Variants in UBXN2A observed in about 807,000 individuals in gnomAD.
UBXN2A encodes the protein UBX domain-containing protein 2A.
UBXN2A carries 28 observed loss-of-function variants against 28.4 expected under a neutral mutation model. The ratio of observed to expected loss-of-function variants is 0.99; its 90% confidence interval spans 0.73 to 1.35. The LOEUF is 1.35. Among genes scored for constraint, UBXN2A ranks in the 40% most tolerant of loss-of-function variants. The probability of loss-of-function intolerance (pLI) is 0.00; values close to 1 mark genes in which losing one functional copy is unlikely to be tolerated. For synonymous variants in UBXN2A, 97 were observed against 103.6 expected (o/e 0.94, Z 0.39); for missense variants, 253 against 297.9 (o/e 0.85, Z 1.11).
At chr2:23,983,071 G>A (rs1707980302) in intron 5 of UBXN2A, 38 bp downstream of exon 5, 1 of 1,517,924 alleles carries the variant, frequency 6.6e-7, no homozygotes, top group African/African-American at 1.4e-5. Flanking sequence ...ATAGATCAAG[G>A]CTTAACTAAT....
chr2:23,978,910 C>T (rs1707785459), intron 4 of UBXN2A, among the ~76,000 whole-genome samples: 1 of 151,628 alleles, frequency 6.6e-6, no homozygotes, highest in Non-Finnish European at 1.5e-5. Flanking sequence ...CTGTGGTGAG[C>T]CAAGATCACA....
chr2:23,940,362 C>G (rs1705682771), upstream of UBXN2A: 1 of 151,628 alleles, frequency 6.6e-6, no homozygotes, highest in Admixed American at 6.6e-5. Context: ...GCGCCGTTCC[C>G]GCCGGGACTT....
At chr2:23,962,428 AC>A (rs1156480125) in intron 2 of UBXN2A, among the ~76,000 whole-genome samples, 7 of 152,290 alleles carry the variant, frequency 4.6e-5, no homozygotes, top group Admixed American at 2.0e-4. Flanking sequence ...ATATTTGGAA[AC>A]AATATATTTT....
At chr2:23,932,744 T>C (rs535434934) in intron 1 of UBXN2A, among the ~76,000 whole-genome samples, 1 of 152,202 alleles carries the variant, frequency 6.6e-6, no homozygotes, top group Admixed American at 6.5e-5. Context: ...AGAATATACC[T>C]TCAACAGAAA....
intron 4 of UBXN2A, among the ~76,000 whole-genome samples, chr2:23,980,873 C>T (rs373586896): frequency 1.3e-5 from 2 of 152,126 alleles, no homozygotes; most frequent in Non-Finnish European, 1.5e-5. Flanking sequence ...GTGATTCACC[C>T]GCCTCGGCCT....
chr2:23,956,601 C>T (rs1451046230), intron 1 of UBXN2A, among the ~76,000 whole-genome samples: 1 of 152,150 alleles, frequency 6.6e-6, no homozygotes, highest in Non-Finnish European at 1.5e-5. Context: ...GATCCACCCT[C>T]CTTGGCCTCC....
upstream of UBXN2A, among the ~76,000 whole-genome samples, chr2:23,937,702 G>A (rs991675134): frequency 1.3e-5 from 2 of 152,192 alleles, no homozygotes; most frequent in Non-Finnish European, 2.9e-5. Context: ...AAAGAGGTAC[G>A]AGACTTGTAC....
At chr2:23,958,508 A>G (rs1361871994) in intron 2 of UBXN2A, among the ~76,000 whole-genome samples, 153 bp downstream of exon 2, 1 of 152,222 alleles carries the variant, frequency 6.6e-6, no homozygotes, top group Non-Finnish European at 1.5e-5. Context: ...TTTTTTTACC[A>G]TAGCTGCATT....
At chr2:23,944,793 G>A (rs1225927365) in intron 1 of UBXN2A, among the ~76,000 whole-genome samples, 9 of 152,158 alleles carry the variant, frequency 5.9e-5, no homozygotes, top group Admixed American at 5.9e-4. Flanking sequence ...GTTCATTGGT[G>A]AGAGCCAGGC....
chr2:23,967,421 TATA>T (rs1707223862), intron 2 of UBXN2A, among the ~76,000 whole-genome samples: 2 of 152,210 alleles, frequency 1.3e-5, no homozygotes, highest in African/African-American at 2.4e-5. Flanking sequence ...ATAAAATGGT[TATA>T]ATGATATTAC....
At chr2:23,974,602 T>TC (rs1401983735) in intron 3 of UBXN2A, among the ~76,000 whole-genome samples, 3 of 152,028 alleles carry the variant, frequency 2.0e-5, no homozygotes, top group African/African-American at 7.2e-5. Flanking sequence ...TGCCTCGGCC[T>TC]CCCAAAGTGC....
intron 6 of UBXN2A, among the ~76,000 whole-genome samples, chr2:23,993,691 A>G (rs1033248376): frequency 9.7e-5 from 13 of 134,484 alleles, no homozygotes; most frequent in Non-Finnish European, 9.4e-5. Flanking sequence ...TAATTTTTTA[A>G]TTTTTTTTTT....
At chr2:23,943,588 A>G (rs998507881) in intron 1 of UBXN2A, among the ~76,000 whole-genome samples, 3 of 152,072 alleles carry the variant, frequency 2.0e-5, no homozygotes, top group South Asian at 2.1e-4. Flanking sequence ...CCTGGGTTCA[A>G]GCAATTCTCC....
intron 2 of UBXN2A, among the ~76,000 whole-genome samples, chr2:23,969,586 C>G (rs1012907317): frequency 3.3e-5 from 5 of 152,134 alleles, no homozygotes; most frequent in African/African-American, 1.2e-4. Context: ...TGGTCTCAAT[C>G]TCTTGACTTC....
At chr2:23,992,882 G>C (rs1331067863) in intron 6 of UBXN2A, among the ~76,000 whole-genome samples, 2 of 152,098 alleles carry the variant, frequency 1.3e-5, no homozygotes, top group Non-Finnish European at 2.9e-5. Context: ...ACTATCTCTT[G>C]TAAATAGTTG....
intron 1 of UBXN2A, among the ~76,000 whole-genome samples, chr2:23,934,386 A>C (rs987217123): frequency 1.3e-5 from 2 of 152,230 alleles, no homozygotes; most frequent in Non-Finnish European, 2.9e-5. Flanking sequence ...GACAATGCAG[A>C]AACAGTTCCA....
At chr2:23,966,144 C>CTT (rs960703496) in intron 2 of UBXN2A, among the ~76,000 whole-genome samples, 1 of 145,650 alleles carries the variant, frequency 6.9e-6, no homozygotes. Flanking sequence ...TAGTTATTTT[C>CTT]TTTTTTTTTT....
At chr2:23,995,815 C>T (rs1708510050) in intron 6 of UBXN2A, among the ~76,000 whole-genome samples, 1 of 152,002 alleles carries the variant, frequency 6.6e-6, no homozygotes, top group Non-Finnish European at 1.5e-5. Context: ...GCTTTTATAG[C>T]AATATTTTTA....
chr2:23,993,896 G>T (rs1280580584), intron 6 of UBXN2A, among the ~76,000 whole-genome samples: 1 of 151,844 alleles, frequency 6.6e-6, no homozygotes, highest in African/African-American at 2.4e-5. Context: ...CACCATGTTG[G>T]CCAGGCTGGT....
Sources: allele counts gnomAD v4.1 joint callset (sites outside exome capture counted in the v4.1 genomes callset), GRCh38; gene constraint gnomAD v4.1.1; transcripts MANE v1.5; gene names NCBI Gene and HGNC (gene_info 2026-07-23, HGNC 2026-07-21).